TENM2: variants seen among roughly 807,000 people sequenced by gnomAD.
The protein encoded by TENM2 is teneurin-2.
In TENM2, 52 loss-of-function variants were observed where a neutral mutation model predicts 245.2. The observed-to-expected ratio is 0.21, with a 90% CI of 0.17 to 0.27. The LOEUF (loss-of-function observed/expected upper bound fraction) is 0.27, where lower values mean the gene tolerates loss of function less well. Among genes scored for constraint, TENM2 ranks in the 10% least tolerant of loss-of-function variants. The probability of loss-of-function intolerance (pLI) is 1.00; values close to 1 mark genes in which losing one functional copy is unlikely to be tolerated. For synonymous variants in TENM2, 1,363 were observed against 1,438.9 expected, an observed-to-expected ratio of 0.95 and a Z score of 1.19; for missense variants, 3,046 against 3,666.8, an observed-to-expected ratio of 0.83 and a Z score of 4.37.
chr5:167,878,934 C>T (rs1773657608), intron 3 of TENM2, among the ~76,000 whole-genome samples: 1 of 152,064 alleles, frequency 6.6e-6, no homozygotes, highest in South Asian at 2.1e-4. Context: ...TTGTCTCTTT[C>T]TTAGGTGAAA....
At chr5:167,174,864 A>G in the TENM2 span, among the ~76,000 whole-genome samples, 1 of 151,034 alleles carries the variant, frequency 6.6e-6, no homozygotes. Flanking sequence ...CTCTGTTTCT[A>G]TATATTCAAC....
At chr5:166,987,264 C>T in the TENM2 span, among the ~76,000 whole-genome samples, 2 of 152,080 alleles carry the variant, frequency 1.3e-5, no homozygotes, top group African/African-American at 4.8e-5. Flanking sequence ...TTATTAAGCC[C>T]CCATGGGGTG....
the TENM2 span, among the ~76,000 whole-genome samples, chr5:167,257,550 G>A: frequency 6.6e-6 from 1 of 151,984 alleles, no homozygotes; most frequent in Admixed American, 6.6e-5. Flanking sequence ...ATATTTTCTG[G>A]AGTGAAATGG....
intron 6 of TENM2, among the ~76,000 whole-genome samples, chr5:168,060,227 GAAA>G (rs79503783): frequency 8.4e-6 from 1 of 119,640 alleles, no homozygotes; most frequent in Non-Finnish European, 1.8e-5. Context: ...TTGTCTCTAC[GAAA>G]AAAAAAAAAA....
Position 167,596,379 on chromosome 5 carries a change from C to A in TENM2, c.502+220906C>A, listed in dbSNP as rs79410437. 4.6e-5 allele frequency among the ~76,000 whole-genome samples: 7 copies of A among 152,142 alleles called. No homozygotes were observed. In the East Asian group the frequency reaches 1.4e-3, roughly 29 times the overall value. Reference sequence around the variant, plus strand: ...CTCCATCCTACTGGACTGTCCCCCCCAAGGACCTCCCTACAAACCCTCAGT... The same window carrying A: ...CTCCATCCTACTGGACTGTCCCCCCAAAGGACCTCCCTACAAACCCTCAGT... On this transcript the variant is annotated intron_variant, in intron 2 of 28. Coordinates refer to ENST00000518659, the Ensembl canonical transcript of TENM2.
At chr5:168,222,927 T>C (rs1763794432) in intron 23 of TENM2, among the ~76,000 whole-genome samples, 1 of 152,170 alleles carries the variant, frequency 6.6e-6, no homozygotes, top group Non-Finnish European at 1.5e-5. Flanking sequence ...TTGATGAATA[T>C]TTATTGACTA....
chr5:167,159,362 A>C, the TENM2 span, among the ~76,000 whole-genome samples: 4 of 152,296 alleles, frequency 2.6e-5, no homozygotes, highest in African/African-American at 9.6e-5. Context: ...CACTTTTAAA[A>C]AAGGCAAAGT....
At chr5:167,132,647 A>G in the TENM2 span, among the ~76,000 whole-genome samples, 9 of 152,166 alleles carry the variant, frequency 5.9e-5, no homozygotes, top group Non-Finnish European at 4.4e-5. Context: ...GTGGTAGACA[A>G]TGGTCTAACA....
intron 2 of TENM2, among the ~76,000 whole-genome samples, chr5:167,749,376 A>G (rs1357131335): frequency 1.3e-5 from 2 of 152,204 alleles, no homozygotes; most frequent in African/African-American, 2.4e-5. Flanking sequence ...ACGGTGGCTC[A>G]TGCCTATAAT....
chr5:167,732,944 T>G (rs990467582), intron 2 of TENM2, among the ~76,000 whole-genome samples: 3 of 152,216 alleles, frequency 2.0e-5, no homozygotes, highest in African/African-American at 7.2e-5. Context: ...AGTAGTGACG[T>G]GGATGGTGCA....
At chr5:167,717,043 C>A (rs1283926058) in intron 2 of TENM2, among the ~76,000 whole-genome samples, 1 of 151,798 alleles carries the variant, frequency 6.6e-6, no homozygotes, top group Non-Finnish European at 1.5e-5. Context: ...CAGCTCACTG[C>A]AACCTTCACC....
At chr5:167,663,296 T>A (rs1255724137) in intron 2 of TENM2, among the ~76,000 whole-genome samples, 1 of 152,194 alleles carries the variant, frequency 6.6e-6, no homozygotes, top group Non-Finnish European at 1.5e-5. Context: ...GGTGACATGC[T>A]CTCATTTTTC....
intron 3 of TENM2, among the ~76,000 whole-genome samples, chr5:167,878,045 T>G (rs752650230): frequency 4.6e-5 from 7 of 152,226 alleles, no homozygotes; most frequent in Non-Finnish European, 1.0e-4. Context: ...TTTATGCATA[T>G]ATGGATACCC....
intron 1 of TENM2, among the ~76,000 whole-genome samples, 195 bp from the exon 4 acceptor site, chr5:167,375,003 T>C (rs1760661382): frequency 1.3e-5 from 2 of 152,184 alleles, no homozygotes; most frequent in Non-Finnish European, 2.9e-5. Flanking sequence ...CGATATTTAC[T>C]TTCTTTCTTT....
At chr5:167,842,892 C>T (rs1403980250) in intron 2 of TENM2, among the ~76,000 whole-genome samples, 1 of 152,168 alleles carries the variant, frequency 6.6e-6, no homozygotes, top group Admixed American at 6.5e-5. Flanking sequence ...ACAGTTGGCT[C>T]CTATCAGTTA....
intron 6 of TENM2, among the ~76,000 whole-genome samples, chr5:168,056,018 T>C (rs1789514698): frequency 6.6e-6 from 1 of 152,224 alleles, no homozygotes; most frequent in African/African-American, 2.4e-5. Flanking sequence ...ACTACTTTGT[T>C]TCCTTGCTGT....
At chr5:168,063,408 C>T (rs1385539081) in intron 7 of TENM2, among the ~76,000 whole-genome samples, 1 of 152,076 alleles carries the variant, frequency 6.6e-6, no homozygotes, top group Non-Finnish European at 1.5e-5. Flanking sequence ...TTAACACCTA[C>T]CTAGTTTGGT....
chr5:167,827,944 C>T (rs1299639557), intron 2 of TENM2, among the ~76,000 whole-genome samples: 1 of 152,112 alleles, frequency 6.6e-6, no homozygotes, highest in Non-Finnish European at 1.5e-5. Context: ...ACTGCCTTCC[C>T]ACACCTGCCC....
At chr5:167,880,221 TG>T (rs1773765573) in intron 3 of TENM2, among the ~76,000 whole-genome samples, 1 of 151,844 alleles carries the variant, frequency 6.6e-6, no homozygotes, top group South Asian at 2.1e-4. Flanking sequence ...TTAGTAGAAA[TG>T]GGGTTTCACC....
Sources: gnomAD v4.1 joint callset for allele counts (sites outside exome capture counted in the v4.1 genomes callset) on GRCh38, gnomAD v4.1.1 for gene constraint, MANE v1.5 for transcripts, NCBI Gene and HGNC (gene_info 2026-07-23, HGNC 2026-07-21) for gene names.